The following CRYZ variants were observed in gnomAD, a reference collection of about 807,000 sequenced individuals.
CRYZ encodes zeta-crystallin.
CRYZ carries 35 observed loss-of-function variants against 34.1 expected under a neutral mutation model. The ratio of observed to expected loss-of-function variants is 1.03; its 90% CI spans 0.78 to 1.36. The LOEUF (loss-of-function observed/expected upper bound fraction) is 1.36. Ranked by LOEUF, CRYZ falls within the 40% of genes most tolerant of loss-of-function variation. The pLI, the probability that CRYZ is intolerant of heterozygous loss-of-function variation, is 0.00. For synonymous variants in CRYZ, 137 were observed against 136.5 expected, an observed-to-expected ratio of 1.00 and a Z score of -0.03; for missense variants, 403 against 391.8, an observed-to-expected ratio of 1.03 and a Z score of -0.24.
In CRYZ at chr1:74,720,028, G is replaced by T. The variant is rs542205316; in HGVS notation, c.265-656C>A. On this transcript the variant is annotated intron_variant, in intron 3 of 8. Coordinates refer to ENST00000340866, the MANE Select transcript of CRYZ (RefSeq NM_001889.4). ...TCACAACAGCTAGTGAGGTGGGCATGTATTATCTCTACTTTAGAGCAATCC... is the reference window on the plus strand; with the variant it reads ...TCACAACAGCTAGTGAGGTGGGCATTTATTATCTCTACTTTAGAGCAATCC... Among the ~76,000 whole-genome samples, 9 of 152,118 alleles carry T rather than the reference G, an allele frequency of 5.9e-5. No individual in the cohort carries two copies. In the East Asian group the frequency reaches 1.7e-3, roughly 29 times the overall value.
At chr1:74,721,509 G>T (rs1395126532) in intron 3 of CRYZ, among the ~76,000 whole-genome samples, 1 of 152,100 alleles carries the variant, frequency 6.6e-6, no homozygotes, top group Non-Finnish European at 1.5e-5. Flanking sequence ...AAAACAATCA[G>T]AATTAAATTC....
chr1:74,730,667 G>A (rs1179205336), intron 1 of CRYZ, among the ~76,000 whole-genome samples: 12 of 152,138 alleles, frequency 7.9e-5, no homozygotes. Context: ...ACTTGGTCAG[G>A]GTCACACAGA....
chr1:74,716,198 G>A (rs1647071880), intron 4 of CRYZ, among the ~76,000 whole-genome samples: 1 of 146,876 alleles, frequency 6.8e-6, no homozygotes, highest in South Asian at 2.1e-4. Context: ...CTGTGTGCGC[G>A]TGTGTGTGTG....
chr1:74,712,997 T>G (rs967175761), intron 5 of CRYZ, among the ~76,000 whole-genome samples: 10 of 152,132 alleles, frequency 6.6e-5, no homozygotes, highest in Non-Finnish European at 4.4e-5. Context: ...TTCCACACCA[T>G]TTTAAACACA....
chr1:74,710,060 A>G (rs778971782), intron 6 of CRYZ, 38 bp downstream of exon 6: 2 of 1,586,370 alleles, frequency 1.3e-6, no homozygotes, highest in Non-Finnish European at 1.7e-6. Flanking sequence ...TCTCCAAGGA[A>G]CAAAGTTTGA....
Position 74,714,563 on chromosome 1 carries a change from T to TA in CRYZ, c.480+15dup, listed in dbSNP as rs765225008. The TA allele has an allele frequency of 9.4e-5, 152 of 1,608,592 alleles. 1 individual carries two copies. Among genetic ancestry groups the TA allele is most frequent in the Non-Finnish European group, 1.2e-4 (140 of 1,175,654 alleles). ...AACCCAAGCTTGTTTCAAAATACAT[T>TA]AAAAAAAATACTTACTCCTCCACTT... On this transcript the variant is annotated intron_variant, in intron 5 of 8. Coordinates refer to ENST00000340866, the MANE Select transcript of CRYZ (RefSeq NM_001889.4).
intron 4 of CRYZ, among the ~76,000 whole-genome samples, chr1:74,717,446 A>AT (rs1242807727): frequency 6.6e-6 from 1 of 151,850 alleles, no homozygotes; most frequent in East Asian, 1.9e-4. Flanking sequence ...CCCAACTGTC[A>AT]TTTTTTTCTG....
rs1440211227 is a variant in CRYZ, at chr1:74,710,168, T to C, written c.560A>G (p.Lys187Arg). 2.5e-6 allele frequency: 4 copies of C among 1,613,928 alleles called. No homozygotes were observed. In the South Asian group the frequency reaches 3.3e-5, roughly 13 times the overall value. Residue 187 changes from lysine to arginine, a missense_variant, in exon 6 of 9, where the codon AAG becomes AGG. Transcript: ENST00000340866. Reference protein sequence around the residue: ...LGTAGTEEGQKIVLQNGAHEV... With the variant: ...LGTAGTEEGQRIVLQNGAHEV... ...ATGGGCTCCATTTTGCAAAACAATC[T>C]TTTGTCCTTCCTCAGTACCAGCAGT...
chr1:74,709,028 C>T (rs1398205514), intron 6 of CRYZ, among the ~76,000 whole-genome samples: 1 of 152,064 alleles, frequency 6.6e-6, no homozygotes, highest in Non-Finnish European at 1.5e-5. Flanking sequence ...TCTCAGTGAC[C>T]TCTGGGAAGC....
At chr1:74,728,311 G>A (rs1647493147) in intron 1 of CRYZ, among the ~76,000 whole-genome samples, 1 of 152,128 alleles carries the variant, frequency 6.6e-6, no homozygotes, top group African/African-American at 2.4e-5. Flanking sequence ...CAAAGGAAAT[G>A]AAAACTCAGA....
chr1:74,711,668 T>C (rs1183204464), intron 5 of CRYZ, among the ~76,000 whole-genome samples: 1 of 151,418 alleles, frequency 6.6e-6, no homozygotes, highest in East Asian at 1.9e-4. Flanking sequence ...GGAGGATCGC[T>C]TGGGCCCAGG....
Position 74,711,852 on chromosome 1 carries a change from T to C in CRYZ, c.481-1605A>G, listed in dbSNP as rs1413141832. Among the ~76,000 whole-genome samples, 7 of 152,178 alleles carry C rather than the reference T, an allele frequency of 4.6e-5. 1 individual carries two copies. The highest frequency in any genetic ancestry group is 4.6e-4 in the Admixed American group (7 of 15,276). On this transcript the variant is annotated intron_variant, in intron 5 of 8. Transcript: ENST00000340866. ...TTCAGCAATCAGTTGAATATGAGTA[T>C]GGACTCAAAAGGGTTCAACTGGAGA...
chr1:74,731,341 T>C (rs1432828838), intron 1 of CRYZ, among the ~76,000 whole-genome samples: 3 of 152,170 alleles, frequency 2.0e-5, no homozygotes, highest in Non-Finnish European at 4.4e-5. Context: ...AAAGGAACAT[T>C]ATGAGACAAG....
At chr1:74,711,921 A>G (rs61790698) in intron 5 of CRYZ, among the ~76,000 whole-genome samples, 6,001 of 152,122 alleles carry the variant, frequency 0.039, 161 homozygotes, top group Non-Finnish European at 0.061. Flanking sequence ...ATTTAAAGCC[A>G]AAGGATTAGG....
At chr1:74,720,807 A>G (rs1356953019) in intron 3 of CRYZ, among the ~76,000 whole-genome samples, 2 of 152,182 alleles carry the variant, frequency 1.3e-5, no homozygotes, top group Non-Finnish European at 1.5e-5. Context: ...AGAAAGCATT[A>G]TTTCAAGTTA....
At chr1:74,730,071 T>C (rs1158586306) in intron 1 of CRYZ, among the ~76,000 whole-genome samples, 2 of 152,040 alleles carry the variant, frequency 1.3e-5, no homozygotes, top group African/African-American at 2.4e-5. Flanking sequence ...ATGATTACCA[T>C]AAAAAAACTG....
chr1:74,712,880 C>A (rs977190345), intron 5 of CRYZ, among the ~76,000 whole-genome samples: 6 of 152,150 alleles, frequency 3.9e-5, no homozygotes, highest in African/African-American at 7.2e-5. Flanking sequence ...GATCCTTCAA[C>A]AGATTATGCA....
At chr1:74,732,522 C>G (rs1647850568) in intron 1 of CRYZ, among the ~76,000 whole-genome samples, 1 of 151,142 alleles carries the variant, frequency 6.6e-6, no homozygotes, top group Non-Finnish European at 1.5e-5. Context: ...GGGCCCTGGA[C>G]AGACCGCTGG....
chr1:74,721,161 A>G (rs1374366772), intron 3 of CRYZ, among the ~76,000 whole-genome samples: 1 of 152,188 alleles, frequency 6.6e-6, no homozygotes, highest in Admixed American at 6.6e-5. Context: ...TAAGCAGACT[A>G]ATGTGTGGTA....
Sources: gnomAD v4.1 joint callset for allele counts (sites outside exome capture counted in the v4.1 genomes callset) on GRCh38, gnomAD v4.1.1 for gene constraint, MANE v1.5 for transcripts, NCBI Gene and HGNC (gene_info 2026-07-23, HGNC 2026-07-21) for gene names.